Variants in ASTN1 observed in about 807,000 individuals in gnomAD.
ASTN1 encodes the protein astrotactin 1, also known as astrotactin-1.
Under a neutral mutation model 140.7 loss-of-function variants are expected in ASTN1, and 41 were observed. That is an observed-to-expected ratio of 0.29 (90% CI 0.23 to 0.38). The LOEUF is 0.38. Ranked by LOEUF, ASTN1 falls within the 10% of genes least tolerant of loss-of-function variation. The pLI is 1.00. For synonymous variants in ASTN1, 640 were observed against 652.2 expected (o/e 0.98, Z 0.29); for missense variants, 1,479 against 1,678.8 (o/e 0.88, Z 2.08).
intron 2 of ASTN1, among the ~76,000 whole-genome samples, chr1:177,048,455 G>A (rs1677361715): frequency 6.6e-6 from 1 of 152,168 alleles, no homozygotes; most frequent in African/African-American, 2.4e-5. Context: ...CTGTTATCCT[G>A]GGAATGGGGC....
At chr1:176,945,776 G>T in intron 13 of ASTN1, 150 bp downstream of exon 13, 2 of 680,598 alleles carry the variant, frequency 2.9e-6, no homozygotes, top group Non-Finnish European at 4.4e-6. Context: ...ATGTAGACTT[G>T]GAGAAGACCA....
chr1:177,109,150 G>A (rs1342277350), intron 1 of ASTN1, among the ~76,000 whole-genome samples: 18 of 152,088 alleles, frequency 1.2e-4, no homozygotes, highest in Admixed American at 7.9e-4. Context: ...AACTAAGACT[G>A]AGAATATATA....
chr1:176,973,050 T>A (rs1460489623), intron 8 of ASTN1, among the ~76,000 whole-genome samples: 1 of 152,154 alleles, frequency 6.6e-6, no homozygotes, highest in Non-Finnish European at 1.5e-5. Flanking sequence ...AACTTAAATA[T>A]TCACCAAGAT....
chr1:176,921,831 T>TA (rs1368233740), intron 16 of ASTN1, among the ~76,000 whole-genome samples: 1 of 152,112 alleles, frequency 6.6e-6, no homozygotes, highest in East Asian at 1.9e-4. Flanking sequence ...TTCAGCATGA[T>TA]AAAAGGGTGA....
intron 1 of ASTN1, among the ~76,000 whole-genome samples, chr1:177,133,677 T>G (rs534228259): frequency 6.6e-6 from 1 of 152,322 alleles, no homozygotes; most frequent in South Asian, 2.1e-4. Flanking sequence ...TAGCAATAAT[T>G]TGCAGGTAAG....
At chr1:177,083,379 G>A (rs1679272527) in intron 1 of ASTN1, among the ~76,000 whole-genome samples, 1 of 152,040 alleles carries the variant, frequency 6.6e-6, no homozygotes, top group South Asian at 2.1e-4. Flanking sequence ...TTACAATTCT[G>A]GAAGGGAATT....
At chr1:176,950,946 C>T (rs1410088146) in intron 11 of ASTN1, among the ~76,000 whole-genome samples, 1 of 152,186 alleles carries the variant, frequency 6.6e-6, no homozygotes. Flanking sequence ...GTCTTAGTAG[C>T]CCACAGCTGC....
intron 9 of ASTN1, among the ~76,000 whole-genome samples, chr1:176,964,108 G>C (rs1383811188): frequency 6.6e-6 from 1 of 152,184 alleles, no homozygotes. Flanking sequence ...AAAAGAGTGA[G>C]CTCTAGGAGG....
intron 5 of ASTN1, among the ~76,000 whole-genome samples, chr1:177,025,995 TG>T (rs572804629): frequency 1.3e-3 from 205 of 152,128 alleles, no homozygotes; most frequent in African/African-American, 4.7e-3. Flanking sequence ...CAGATCCAGG[TG>T]AGGTTTCAGG....
At chr1:177,117,803 C>T (rs1467654877) in intron 1 of ASTN1, among the ~76,000 whole-genome samples, 1 of 152,176 alleles carries the variant, frequency 6.6e-6, no homozygotes, top group Non-Finnish European at 1.5e-5. Context: ...TGCCCTTCAC[C>T]TCTATACCTA....
intron 9 of ASTN1, among the ~76,000 whole-genome samples, chr1:176,964,722 T>G (rs1407897958): frequency 6.6e-6 from 1 of 152,072 alleles, no homozygotes. Context: ...TTGAACAACT[T>G]AAGACTCTAT....
At chr1:177,097,360 A>G (rs1301124644) in intron 1 of ASTN1, among the ~76,000 whole-genome samples, 2 of 152,158 alleles carry the variant, frequency 1.3e-5, no homozygotes, top group African/African-American at 4.8e-5. Flanking sequence ...TCCAGCTCCC[A>G]TGAACACTGA....
chr1:177,154,961 A>G (rs1383583617), intron 1 of ASTN1, among the ~76,000 whole-genome samples: 2 of 152,204 alleles, frequency 1.3e-5, no homozygotes, highest in East Asian at 3.8e-4. Context: ...AACAACCAAG[A>G]TGTTTTTCAA....
In ASTN1 at chr1:176,884,320, T is replaced by A; in HGVS notation, c.3226+19A>T. ...ATCACCTTGGATCAAGACAAGCCCA[T>A]GAAGTAGAAGGTGCTCACCTGTCTC... On this transcript the variant is annotated intron_variant, in intron 19 of 22. Coordinates refer to ENST00000361833, the MANE Select transcript of ASTN1 (RefSeq NM_004319.3). 2 of 1,608,220 alleles carry A rather than the reference T, an allele frequency of 1.2e-6. No individual in the cohort carries two copies. Among genetic ancestry groups the A allele is most frequent in the Non-Finnish European group, 1.7e-6 (2 of 1,174,978 alleles).
intron 1 of ASTN1, among the ~76,000 whole-genome samples, chr1:177,093,025 T>C (rs1466587850): frequency 6.6e-6 from 1 of 152,212 alleles, no homozygotes. Flanking sequence ...CAGAGAGCTC[T>C]GTGCCACGAC....
rs1366107032 is a variant in ASTN1, at chr1:177,135,159, TG to T, written c.283+29234del. The stretch of plus-strand genomic sequence containing the variant: ...TGCCTCATTTCTCAGCAGCAAGAAA[TG>T]TCAATTCCCATTAAGCTCTGTGCAT... On this transcript the variant is annotated intron_variant, in intron 1 of 22. Coordinates refer to ENST00000361833, the MANE Select transcript of ASTN1 (RefSeq NM_004319.3). 2.6e-5 allele frequency among the ~76,000 whole-genome samples: 4 copies of T among 152,178 alleles called. No homozygotes were observed. In the East Asian group the frequency reaches 7.7e-4, roughly 29 times the overall value.
chr1:177,011,975 TAGGATTTGGTTGTTCTACTTCAA>T (rs1675318674), intron 8 of ASTN1, among the ~76,000 whole-genome samples: 2 of 152,212 alleles, frequency 1.3e-5, no homozygotes, highest in African/African-American at 4.8e-5. Flanking sequence ...CTATTTGGCC[TAGGATTTGGTTGTTCTACTTCAA>T]AGGAATGTTC....
At chr1:176,990,582 C>T (rs1247450275) in intron 8 of ASTN1, among the ~76,000 whole-genome samples, 4 of 151,854 alleles carry the variant, frequency 2.6e-5, no homozygotes, top group Admixed American at 6.6e-5. Context: ...TATAAATGAG[C>T]AGGAAGTGAA....
intron 21 of ASTN1, among the ~76,000 whole-genome samples, chr1:176,869,257 TGTGA>T (rs1362673941): frequency 8.5e-5 from 13 of 152,220 alleles, no homozygotes; most frequent in African/African-American, 3.1e-4. Context: ...CTTATGTGTG[TGTGA>T]GTATGCTGTT....
Sources: allele counts gnomAD v4.1 joint callset (sites outside exome capture counted in the v4.1 genomes callset), GRCh38; gene constraint gnomAD v4.1.1; transcripts MANE v1.5; gene names NCBI Gene and HGNC (gene_info 2026-07-23, HGNC 2026-07-21).